The following GABBR2 variants were observed in gnomAD, a reference collection of about 807,000 sequenced individuals.
GABBR2 encodes G-protein coupled receptor 51.
Under a neutral mutation model 105.6 loss-of-function variants are expected in GABBR2, and 23 were observed. The observed-to-expected ratio is 0.22, with a 90% CI of 0.16 to 0.31. The LOEUF is 0.31. Ranked by LOEUF, GABBR2 falls within the 10% of genes least tolerant of loss-of-function variation. GABBR2 has a pLI of 1.00. For synonymous variants in GABBR2, 478 were observed against 499.7 expected, an observed-to-expected ratio of 0.96 and a Z score of 0.58; for missense variants, 734 against 1,245.5, an observed-to-expected ratio of 0.59 and a Z score of 6.18.
At chr9:98,335,627 A>G (rs3780434) in intron 13 of GABBR2, among the ~76,000 whole-genome samples, 66,918 of 151,996 alleles carry the variant, frequency 0.44, 14,870 homozygotes, top group African/African-American at 0.47. Context: ...ATGTAGCAGG[A>G]TTGAGAACCA....
chr9:98,515,696 C>T (rs1209792732), intron 3 of GABBR2, among the ~76,000 whole-genome samples: 1 of 152,106 alleles, frequency 6.6e-6, no homozygotes, highest in Non-Finnish European at 1.5e-5. Context: ...CCCTCCACTC[C>T]CCCTCTCCCA....
intron 1 of GABBR2, among the ~76,000 whole-genome samples, chr9:98,617,245 G>A (rs1445388668): frequency 6.6e-6 from 1 of 152,164 alleles, no homozygotes; most frequent in Non-Finnish European, 1.5e-5. Flanking sequence ...CTCTGGGTTG[G>A]GTGCTCAGGG....
At chr9:98,348,934 T>C (rs1054702047) in intron 13 of GABBR2, among the ~76,000 whole-genome samples, 4 of 152,222 alleles carry the variant, frequency 2.6e-5, no homozygotes, top group African/African-American at 9.6e-5. Flanking sequence ...TCTTGCCTAA[T>C]TGCTCTGGCT....
intron 6 of GABBR2, among the ~76,000 whole-genome samples, chr9:98,471,091 G>A (rs1826663742): frequency 6.6e-6 from 1 of 152,146 alleles, no homozygotes; most frequent in African/African-American, 2.4e-5. Context: ...ATGGGAAGCT[G>A]GACTCCATAA....
Position 98,303,245 on chromosome 9 carries a change from G to C in GABBR2, c.2408C>G (p.Thr803Arg), listed in dbSNP as rs1167411471. 2 of 1,613,838 alleles carry C rather than the reference G, an allele frequency of 1.2e-6. No individual in the cohort carries two copies. Among genetic ancestry groups the C allele is most frequent in the Non-Finnish European group, 1.7e-6 (2 of 1,179,834 alleles). The change falls in exon 16 of 19, where the codon ACA becomes AGA. Residue 803 changes from threonine to arginine, a missense_variant. Thr to Arg is a moderately conservative substitution (Grantham distance 71, BLOSUM62 -1). Transcript: ENST00000259455. ...ACCAGATGCAGAGGGAGGTACCTCT[G>C]TGATCTTCATTCGCAGGCGATGGTT... ...SENHRLRMKI[T>R]ELDKDLEEVT...
chr9:98,645,831 A>G (rs528286271), intron 1 of GABBR2, among the ~76,000 whole-genome samples: 4 of 152,320 alleles, frequency 2.6e-5, no homozygotes, highest in East Asian at 3.9e-4. Flanking sequence ...GGTGCTTCCT[A>G]TGGGCTAGGC....
intron 1 of GABBR2, among the ~76,000 whole-genome samples, chr9:98,595,005 T>C (rs557935982): frequency 2.0e-5 from 3 of 152,230 alleles, no homozygotes; most frequent in African/African-American, 7.2e-5. Context: ...CCAGCGGGGA[T>C]GAGAGAGGGC....
intron 4 of GABBR2, among the ~76,000 whole-genome samples, chr9:98,481,951 C>T (rs1826931913): frequency 6.6e-6 from 1 of 152,184 alleles, no homozygotes; most frequent in African/African-American, 2.4e-5. Context: ...GTCTTTGTTG[C>T]TTTCTGGGGC....
At chr9:98,645,859 G>A (rs1186335228) in intron 1 of GABBR2, among the ~76,000 whole-genome samples, 1 of 152,200 alleles carries the variant, frequency 6.6e-6, no homozygotes, top group East Asian at 1.9e-4. Context: ...GCTTTACATA[G>A]ACTAACTCAT....
chr9:98,590,782 T>C (rs1588241920), intron 1 of GABBR2, among the ~76,000 whole-genome samples: 1 of 152,138 alleles, frequency 6.6e-6, no homozygotes, highest in Admixed American at 6.5e-5. Flanking sequence ...CTGAGCTAGG[T>C]AGGGGAAGAT....
intron 2 of GABBR2, among the ~76,000 whole-genome samples, chr9:98,560,858 T>G (rs1192724784): frequency 6.6e-6 from 1 of 151,006 alleles, no homozygotes; most frequent in Non-Finnish European, 1.5e-5. Flanking sequence ...TTGAAGCATT[T>G]GAAATTAGCT....
At chr9:98,582,154 G>A (rs1206773247) in intron 1 of GABBR2, among the ~76,000 whole-genome samples, 2 of 152,292 alleles carry the variant, frequency 1.3e-5, no homozygotes, top group East Asian at 3.9e-4. Context: ...ATGTCATGAA[G>A]GTTACTAATC....
intron 7 of GABBR2, among the ~76,000 whole-genome samples, chr9:98,418,202 G>A (rs1349946676): frequency 1.3e-5 from 2 of 152,128 alleles, no homozygotes; most frequent in Non-Finnish European, 2.9e-5. Flanking sequence ...GGAATCCATG[G>A]GAGAGGAGGA....
intron 13 of GABBR2, among the ~76,000 whole-genome samples, chr9:98,321,107 T>G: frequency 6.6e-6 from 1 of 150,438 alleles, no homozygotes; most frequent in African/African-American, 2.5e-5. Context: ...AGGGCAGGAG[T>G]CTCCAGCAGG....
chr9:98,366,519 C>G (rs1025786840), intron 12 of GABBR2, among the ~76,000 whole-genome samples: 1 of 152,218 alleles, frequency 6.6e-6, no homozygotes, highest in Non-Finnish European at 1.5e-5. Context: ...TATTGACTCT[C>G]TGGCTCTTTG....
At chr9:98,595,688 G>A (rs1180365848) in intron 1 of GABBR2, among the ~76,000 whole-genome samples, 1 of 146,952 alleles carries the variant, frequency 6.8e-6, no homozygotes, top group Non-Finnish European at 1.5e-5. Context: ...AAACTAAAGA[G>A]AAATCAAAAT....
intron 7 of GABBR2, among the ~76,000 whole-genome samples, chr9:98,435,617 TA>T (rs1825888467): frequency 6.6e-6 from 1 of 152,182 alleles, no homozygotes; most frequent in South Asian, 2.1e-4. Flanking sequence ...GGTCTTAGTA[TA>T]ACATGGCCTC....
intron 11 of GABBR2, among the ~76,000 whole-genome samples, chr9:98,377,131 T>C (rs1352242543): frequency 6.6e-6 from 1 of 152,098 alleles, no homozygotes; most frequent in Non-Finnish European, 1.5e-5. Flanking sequence ...GCAAGAGGCC[T>C]TTCTTCCTGT....
At chr9:98,575,533 T>A (rs1032408107) in intron 2 of GABBR2, among the ~76,000 whole-genome samples, 3 of 152,124 alleles carry the variant, frequency 2.0e-5, no homozygotes, top group Admixed American at 2.0e-4. Context: ...AGCAGTCCTA[T>A]TACTACCTTG....
Sources: gnomAD v4.1 joint callset for allele counts (sites outside exome capture counted in the v4.1 genomes callset) on GRCh38, gnomAD v4.1.1 for gene constraint, MANE v1.5 for transcripts, NCBI Gene and HGNC (gene_info 2026-07-23, HGNC 2026-07-21) for gene names.